The following ARRB2 variants were observed in gnomAD, a reference collection of about 807,000 sequenced individuals.
The protein encoded by ARRB2 is arrestin beta 2.
ARRB2 carries 21 observed loss-of-function variants against 53.4 expected under a neutral mutation model. That is an observed-to-expected ratio of 0.39 (90% CI 0.28 to 0.57). ARRB2 has a LOEUF of 0.57. Among genes scored for constraint, ARRB2 ranks in the 20% least tolerant of loss-of-function variants. The pLI is 0.55. For missense variants in ARRB2, 369 were observed against 527.5 expected (o/e 0.70, Z 2.94); for synonymous variants, 180 against 212.9 (o/e 0.85, Z 1.34).
chr17:4,720,945 G>C lies in ARRB2; in HGVS notation c.1137-1G>C. On this transcript the variant is annotated splice_acceptor_variant, in intron 14 of 14. Transcript: ENST00000269260. LOFTEE classifies it high-confidence loss of function. ...TCACAACCCTCTTTCCCACCACCAA[G>C]CTATGCCACAGATGATGACATTGTG... The C allele has an allele frequency of 6.2e-7, 1 of 1,613,932 alleles. No individual in the cohort carries two copies. Among genetic ancestry groups the C allele is most frequent in the Non-Finnish European group, 8.5e-7 (1 of 1,179,868 alleles).
rs1313791708 is a variant in ARRB2 at position 4,719,322 on chromosome 17, C to T, written c.819C>T (p.Tyr273=). ...VSPSSTFCKV[Y]TITPLLSDNR... ...CCAGCTCCACATTCTGTAAGGTGTA[C>T]ACCATAACCCCACTGCTCAGCGACA... Residue 273 remains tyrosine, a synonymous_variant, in exon 11 of 15, where the codon TAC becomes TAT. Transcript: ENST00000269260. 5.0e-6 allele frequency: 8 copies of T among 1,614,006 alleles called. No individual in the cohort carries two copies. Among genetic ancestry groups the T allele is most frequent in the African/African-American group, 1.3e-5 (1 of 74,926 alleles).
Position 4,716,475 on chromosome 17 carries a change from C to A in ARRB2, c.224C>A (p.Ser75Tyr), listed in dbSNP as rs758676821. The A allele has an allele frequency of 1.9e-6, 3 of 1,614,182 alleles. No individual in the cohort carries two copies. Among genetic ancestry groups the A allele is most frequent in the Non-Finnish European group, 2.5e-6 (3 of 1,180,032 alleles). The change falls in exon 5 of 15, where the codon TCC becomes TAC. Residue 75 changes from serine (S) to tyrosine (Y), a missense_variant. By Grantham distance (144) the Ser-to-Tyr change is moderately radical. Coordinates refer to ENST00000269260, the MANE Select transcript of ARRB2 (RefSeq NM_004313.4). ...GREDLDVLGL[S>Y]FRKDLFIATY... ...GAAGACCTGGATGTGCTGGGCTTGT[C>A]CTTCCGCAAAGACCTGTTCATCGCC...
chr17:4,715,138 C>A, intron 2 of ARRB2, 95 bp downstream of exon 2: 3 of 1,393,246 alleles, frequency 2.2e-6, no homozygotes, highest in Non-Finnish European at 2.9e-6. Context: ...CAAAGATGAT[C>A]CCCAACCCCT....
chr17:4,715,186 C>T, intron 2 of ARRB2, 143 bp downstream of exon 2: 1 of 979,936 alleles, frequency 1.0e-6, no homozygotes, highest in Non-Finnish European at 1.5e-6. Context: ...CGCCGACTTC[C>T]TTCCCTCCTG....
At chr17:4,718,723 G>C (rs1270480805) in intron 10 of ARRB2, 39 bp downstream of exon 10, 6 of 1,577,664 alleles carry the variant, frequency 3.8e-6, no homozygotes, top group Non-Finnish European at 5.2e-6. Context: ...ATCTAGGGGA[G>C]AAGAGCAGGA....
At position 4,721,152 on chromosome 17, in the gene ARRB2, G is replaced by A. The variant is rs1915657800; in HGVS notation, c.*113G>A. On this transcript the variant is annotated 3_prime_UTR_variant, in exon 15 of 15. Coordinates refer to ENST00000269260, the MANE Select transcript of ARRB2 (RefSeq NM_004313.4). This position sits in a 1 kb window ranked among gnomAD's most constrained non-coding sequence, Gnocchi z 4.2. ...GCCCCTCTTCCCTTCCCCTCACCTG[G>A]AAGCTTCTTCAACCAATCCCTTCAC... The A allele has an allele frequency of 1.8e-6, 2 of 1,125,480 alleles. No homozygotes were observed. Among genetic ancestry groups the A allele is most frequent in the Admixed American group, 4.1e-5 (2 of 49,056 alleles). The allele number at this position is 1,125,480 out of a possible 1,614,324, so 69.7% of individuals were successfully genotyped here.
In ARRB2 at chr17:4,717,777, G is replaced by C. The variant is rs1019927955; in HGVS notation, c.485+25G>C. On this transcript the variant is annotated intron_variant, in intron 7 of 14. Coordinates refer to ENST00000269260, the MANE Select transcript of ARRB2 (RefSeq NM_004313.4). This position sits in a 1 kb window ranked among gnomAD's most constrained non-coding sequence, Gnocchi z 6.0. ...GGTAAGGGAAGTGACCTCCTCTGTG[G>C]TGTAAGAGGAGGCTTTCCTCCCCGC... is the stretch of plus-strand genomic sequence containing the variant. 11 of 1,601,800 alleles carry C rather than the reference G, an allele frequency of 6.9e-6. No individual in the cohort carries two copies. Among genetic ancestry groups the C allele is most frequent in the Non-Finnish European group, 9.4e-6 (11 of 1,173,828 alleles).
At chr17:4,720,908 G>A (rs1170496541) in intron 14 of ARRB2, 38 bp from the exon 15 acceptor site, 1 of 1,599,430 alleles carries the variant, frequency 6.3e-7, no homozygotes, top group Non-Finnish European at 8.6e-7. Flanking sequence ...ACAAGAGTCA[G>A]AAGCCCTCAC....
chr17:4,710,829 G>C (rs1416302058), intron 1 of ARRB2, 85 bp downstream of exon 1: 1 of 397,584 alleles, frequency 2.5e-6, no homozygotes, highest in Non-Finnish European at 4.4e-6. Context: ...GCGCAGCGGA[G>C]AGGATCTGGG....
intron 2 of ARRB2, chr17:4,715,291 C>G: frequency 3.8e-6 from 2 of 526,292 alleles, no homozygotes. Flanking sequence ...AGGAGGAGGC[C>G]AAAAGCAAGC....
Position 4,721,108 on chromosome 17 carries a change from T to A in ARRB2, c.*69T>A. ...GAGGGCAGGATTAAGATCCCCACTG[T>A]CAATGGGGGATTGTCCCAGCCCCTC... On this transcript the variant is annotated 3_prime_UTR_variant, in exon 15 of 15. Coordinates refer to ENST00000269260, the MANE Select transcript of ARRB2 (RefSeq NM_004313.4). This position sits in a 1 kb window ranked among gnomAD's most constrained non-coding sequence, Gnocchi z 4.2. 6 of 1,448,290 alleles carry A rather than the reference T, an allele frequency of 4.1e-6. No individual in the cohort carries two copies. Among genetic ancestry groups the A allele is most frequent in the Non-Finnish European group, 5.8e-6 (6 of 1,034,680 alleles). 89.7% of individuals were successfully genotyped at this position (1,448,290 alleles called of 1,614,324 possible). A position where few individuals can be genotyped will look rare whatever the true frequency, so the allele number is the denominator to read the frequency against.
chr17:4,720,555 AC>A (rs780206635), intron 13 of ARRB2, 30 bp from the exon 14 acceptor site: 3 of 1,202,910 alleles, frequency 2.5e-6, no homozygotes, highest in Non-Finnish European at 3.3e-6. Flanking sequence ...TCCAGCACCC[AC>A]CCCCACACCC....
chr17:4,719,352 G>A lies in ARRB2; in HGVS notation c.849G>A (p.Arg283=). 6.2e-7 allele frequency: 1 copy of A among 1,614,172 alleles called. No homozygotes were observed. Among genetic ancestry groups the A allele is most frequent in the Non-Finnish European group, 8.5e-7 (1 of 1,180,014 alleles). The stretch of plus-strand genomic sequence containing the variant: ...TAACCCCACTGCTCAGCGACAACCG[G>A]GAGAAGCGGGGTCTCGCCCTGGATG... ...YTITPLLSDN[R]EKRGLALDGK... The change falls in exon 11 of 15, where the codon CGG becomes CGA. Residue 283 remains arginine (R), a synonymous_variant. Coordinates refer to ENST00000269260, the MANE Select transcript of ARRB2 (RefSeq NM_004313.4).
intron 2 of ARRB2, chr17:4,715,694 G>GACACACAC (rs150787978): frequency 6.2e-4 from 273 of 443,496 alleles, no homozygotes; most frequent in African/African-American, 1.9e-3. Flanking sequence ...GTTGGCTGAG[G>GACACACAC]ACACACACAC....
intron 2 of ARRB2, chr17:4,715,486 G>GACACACACACACACAC (rs751919519): frequency 3.0e-5 from 4 of 133,572 alleles, no homozygotes; most frequent in South Asian, 8.8e-5. Flanking sequence ...CACACACACA[G>GACACACACACACACAC]ACACACACAC....
intron 1 of ARRB2, among the ~76,000 whole-genome samples, chr17:4,711,174 C>G (rs1914361782): frequency 2.6e-5 from 4 of 152,098 alleles, no homozygotes. Context: ...CAGGTAGTCG[C>G]GCTGCCCACA....
intron 9 of ARRB2, 70 bp from the exon 10 acceptor site, chr17:4,718,542 G>T: frequency 6.6e-7 from 1 of 1,505,910 alleles, no homozygotes. Context: ...CACGCCACGG[G>T]GTCTGGAGTT....
Sources: gnomAD v4.1 joint callset for allele counts (sites outside exome capture counted in the v4.1 genomes callset) on GRCh38, gnomAD v4.1.1 for gene constraint, Gnocchi (gnomAD v3.1) non-coding constraint, MANE v1.5 for transcripts, NCBI Gene and HGNC (gene_info 2026-07-23, HGNC 2026-07-21) for gene names.